Variants in DNAJC1 observed in about 807,000 individuals in gnomAD.
DNAJC1 encodes the protein dnaJ homolog subfamily C member 1.
A neutral mutation model predicts 76.6 loss-of-function variants in DNAJC1; 58 were observed. The ratio of observed to expected loss-of-function variants is 0.76; its 90% confidence interval spans 0.61 to 0.94. DNAJC1 has a LOEUF of 0.94. Among genes scored for constraint, DNAJC1 ranks in the 40% least tolerant of loss-of-function variants. The probability of loss-of-function intolerance (pLI) is 0.00; values close to 1 mark genes in which losing one functional copy is unlikely to be tolerated. For missense variants in DNAJC1, 689 were observed against 677.3 expected (o/e 1.02, Z -0.19); for synonymous variants, 258 against 267.9 (o/e 0.96, Z 0.36).
At chr10:21,977,293 A>G (rs1198840439) in intron 1 of DNAJC1, among the ~76,000 whole-genome samples, 2 of 152,162 alleles carry the variant, frequency 1.3e-5, no homozygotes, top group Admixed American at 1.3e-4. Context: ...CTATGCAAGT[A>G]AACTTTTATT....
intron 9 of DNAJC1, among the ~76,000 whole-genome samples, chr10:21,799,065 G>T (rs1249069793): frequency 2.6e-5 from 4 of 152,154 alleles, no homozygotes; most frequent in Non-Finnish European, 5.9e-5. Context: ...TCCACAATGT[G>T]TGGATTTTAA....
intron 9 of DNAJC1, chr10:21,804,007 A>G (rs1341567377): frequency 1.5e-5 from 15 of 981,708 alleles, no homozygotes; most frequent in Non-Finnish European, 1.8e-5. Context: ...AAAAGGAGAC[A>G]TATGGGATGA....
intron 9 of DNAJC1, among the ~76,000 whole-genome samples, chr10:21,776,806 A>G (rs1834458536): frequency 6.6e-6 from 1 of 152,218 alleles, no homozygotes; most frequent in Admixed American, 6.5e-5. Flanking sequence ...AGCAATGCGG[A>G]TAGCTATTTC....
At chr10:21,842,694 T>C (rs1835593341) in intron 8 of DNAJC1, among the ~76,000 whole-genome samples, 2 of 152,148 alleles carry the variant, frequency 1.3e-5, no homozygotes, top group Non-Finnish European at 2.9e-5. Context: ...GGAGTAAATA[T>C]GGAGGATGAA....
At position 21,918,872 on chromosome 10, in the gene DNAJC1, T is replaced by A; in HGVS notation, c.636A>T (p.Arg212Ser). The A allele has an allele frequency of 3.7e-6, 6 of 1,611,264 alleles. No individual in the cohort carries two copies. Among genetic ancestry groups the A allele is most frequent in the Non-Finnish European group, 5.1e-6 (6 of 1,177,828 alleles). ...CATGCCACTGTGGTTTCATCAGCAA[T>A]CTAAAGGGAGGGAGAAAAAAGAACA... ...SKLGASEKNE[R>S]LLMKPQWHDL... is the part of the protein sequence containing the mutation. Residue 212 changes from arginine (R) to serine (S), a missense_variant and splice_region_variant, in exon 6 of 12, where the codon AGA becomes AGT. Arg to Ser is a moderately radical substitution (Grantham distance 110, BLOSUM62 -1). Transcript: ENST00000376980.
intron 9 of DNAJC1, among the ~76,000 whole-genome samples, chr10:21,791,841 A>G (rs527590051): frequency 1.4e-4 from 22 of 152,270 alleles, no homozygotes; most frequent in Admixed American, 7.8e-4. Context: ...AACCAAACCC[A>G]AAGTTAGCAG....
At chr10:21,874,251 AC>A (rs935087739) in intron 8 of DNAJC1, among the ~76,000 whole-genome samples, 1 of 152,088 alleles carries the variant, frequency 6.6e-6, no homozygotes, top group Non-Finnish European at 1.5e-5. Flanking sequence ...TGCCGTCCAA[AC>A]AAAAAAAATA....
intron 8 of DNAJC1, among the ~76,000 whole-genome samples, chr10:21,814,758 T>A (rs910867859): frequency 6.6e-6 from 1 of 152,170 alleles, no homozygotes; most frequent in Non-Finnish European, 1.5e-5. Context: ...GTATTCAGGC[T>A]CTTACTGCCC....
chr10:21,916,724 A>G (rs1162962733), intron 6 of DNAJC1, among the ~76,000 whole-genome samples: 1 of 152,196 alleles, frequency 6.6e-6, no homozygotes, highest in Non-Finnish European at 1.5e-5. Flanking sequence ...TACAAAGGTC[A>G]TCACATACTA....
chr10:21,844,744 T>A (rs1409864506), intron 8 of DNAJC1, among the ~76,000 whole-genome samples: 2 of 152,084 alleles, frequency 1.3e-5, no homozygotes, highest in African/African-American at 2.4e-5. Flanking sequence ...TTTAAAAAAA[T>A]AGATTTTTGG....
chr10:21,811,452 C>G (rs575840617), intron 8 of DNAJC1, among the ~76,000 whole-genome samples: 1 of 152,318 alleles, frequency 6.6e-6, no homozygotes, highest in East Asian at 1.9e-4. Flanking sequence ...GACACCCCTG[C>G]GTGTCTCCCA....
At chr10:21,828,544 A>C (rs925728227) in intron 8 of DNAJC1, among the ~76,000 whole-genome samples, 5 of 152,306 alleles carry the variant, frequency 3.3e-5, no homozygotes, top group African/African-American at 1.2e-4. Flanking sequence ...TGACAGACTT[A>C]AAGTCTTAAG....
At position 21,929,777 on chromosome 10, in the gene DNAJC1, C is replaced by T. The variant is rs538261140; in HGVS notation, c.223-636G>A. Among the ~76,000 whole-genome samples, 55 of 152,240 alleles carry T rather than the reference C, an allele frequency of 3.6e-4. No individual in the cohort carries two copies. In the South Asian group the frequency reaches 9.7e-3, roughly 27 times the overall value. The stretch of plus-strand genomic sequence containing the variant: ...GCCAGCCTCCTCAGTCTGGTTCATA[C>T]AAATAAATTTGCCCAATATTTATGT... On this transcript the variant is annotated intron_variant, in intron 1 of 11. Transcript: ENST00000376980.
At chr10:21,858,561 T>C (rs1404849842) in intron 8 of DNAJC1, among the ~76,000 whole-genome samples, 1 of 152,190 alleles carries the variant, frequency 6.6e-6, no homozygotes, top group African/African-American at 2.4e-5. Flanking sequence ...CAGACTTTGT[T>C]TTCTTTGAGG....
chr10:21,802,533 G>A (rs1482383655), intron 9 of DNAJC1, among the ~76,000 whole-genome samples: 1 of 152,032 alleles, frequency 6.6e-6, no homozygotes, highest in African/African-American at 2.4e-5. Context: ...CTTGCATAAT[G>A]GGCTACATAT....
chr10:21,773,114 G>C (rs1834408912), intron 9 of DNAJC1, among the ~76,000 whole-genome samples: 1 of 152,128 alleles, frequency 6.6e-6, no homozygotes, highest in Non-Finnish European at 1.5e-5. Context: ...TATAGAATTG[G>C]TGGAGACACA....
chr10:21,788,158 G>C (rs566702146), intron 9 of DNAJC1, among the ~76,000 whole-genome samples: 1 of 152,340 alleles, frequency 6.6e-6, no homozygotes, highest in Admixed American at 6.5e-5. Context: ...CCAGAGGAAA[G>C]GGTGCTTTGA....
At chr10:21,910,732 G>A (rs1836841424) in intron 6 of DNAJC1, among the ~76,000 whole-genome samples, 1 of 151,100 alleles carries the variant, frequency 6.6e-6, no homozygotes, top group Admixed American at 6.6e-5. Context: ...CTAGGTGATG[G>A]GTATTAAGCA....
intron 8 of DNAJC1, among the ~76,000 whole-genome samples, chr10:21,823,807 G>A (rs998393849): frequency 1.3e-5 from 2 of 151,656 alleles, no homozygotes; most frequent in African/African-American, 4.8e-5. Flanking sequence ...GTTGGGCCAC[G>A]TTCAAAGCTG....
Sources: gnomAD v4.1 joint callset for allele counts (sites outside exome capture counted in the v4.1 genomes callset) on GRCh38, gnomAD v4.1.1 for gene constraint, MANE v1.5 for transcripts, NCBI Gene and HGNC (gene_info 2026-07-23, HGNC 2026-07-21) for gene names.